Variants in LDB2 observed in about 807,000 individuals in gnomAD.
LDB2 encodes LIM domain-binding protein 2.
LDB2 carries 12 observed loss-of-function variants against 44.3 expected under a neutral mutation model. The observed-to-expected ratio is 0.27, with a 90% CI of 0.17 to 0.44. The LOEUF is 0.44. Ranked by LOEUF, LDB2 falls within the 20% of genes least tolerant of loss-of-function variation. LDB2 has a pLI of 1.00. For missense variants in LDB2, 344 were observed against 473.5 expected (o/e 0.73, Z 2.54); for synonymous variants, 164 against 174.8 (o/e 0.94, Z 0.49).
At chr4:16,676,030 T>C (rs1746229709) in intron 2 of LDB2, among the ~76,000 whole-genome samples, 1 of 152,232 alleles carries the variant, frequency 6.6e-6, no homozygotes, top group South Asian at 2.1e-4. Context: ...CAGTATTTTA[T>C]ACCCACATGA....
chr4:16,831,844 A>G (rs1294645166), intron 1 of LDB2, among the ~76,000 whole-genome samples: 2 of 152,144 alleles, frequency 1.3e-5, no homozygotes, highest in Non-Finnish European at 2.9e-5. Flanking sequence ...AGTGGGAGCT[A>G]TGATTAAAGT....
intron 1 of LDB2, among the ~76,000 whole-genome samples, chr4:16,782,119 T>A (rs1773377905): frequency 6.6e-6 from 1 of 152,206 alleles, no homozygotes; most frequent in Admixed American, 6.5e-5. Context: ...AATTCCATAC[T>A]ATTCCAAACC....
At chr4:16,530,202 G>C (rs1729664161) in intron 5 of LDB2, among the ~76,000 whole-genome samples, 1 of 152,198 alleles carries the variant, frequency 6.6e-6, no homozygotes. Flanking sequence ...GGGTTTAAGA[G>C]GGTCTGCCTG....
At chr4:16,881,311 T>G (rs1317485553) in intron 1 of LDB2, among the ~76,000 whole-genome samples, 1 of 152,206 alleles carries the variant, frequency 6.6e-6, no homozygotes, top group African/African-American at 2.4e-5. Context: ...TCGGCCTCAC[T>G]TATCTTATCT....
intron 2 of LDB2, among the ~76,000 whole-genome samples, chr4:16,635,768 C>T (rs1376131621): frequency 6.6e-6 from 1 of 152,176 alleles, no homozygotes; most frequent in Non-Finnish European, 1.5e-5. Flanking sequence ...GTAGCTACTC[C>T]ACCCTCCTAT....
At chr4:16,695,774 C>G (rs541227155) in intron 2 of LDB2, among the ~76,000 whole-genome samples, 20 of 152,140 alleles carry the variant, frequency 1.3e-4, no homozygotes, top group Admixed American at 2.6e-4. Context: ...TTTATAGACA[C>G]TGAAACTGGA....
intron 5 of LDB2, among the ~76,000 whole-genome samples, chr4:16,574,294 T>G (rs556424540): frequency 6.6e-6 from 1 of 152,192 alleles, no homozygotes; most frequent in Non-Finnish European, 1.5e-5. Context: ...AAATAGCCTA[T>G]AGATAGTATC....
intron 2 of LDB2, among the ~76,000 whole-genome samples, chr4:16,757,634 A>G (rs968707290): frequency 1.5e-4 from 23 of 152,198 alleles, no homozygotes; most frequent in African/African-American, 4.8e-4. Context: ...GCCTCAGAAA[A>G]AAATAAGGTG....
rs544612708 is a variant in LDB2 at position 16,766,453 on chromosome 4, T to C, written c.133-7193A>G. 1.9e-4 allele frequency among the ~76,000 whole-genome samples: 26 copies of C among 136,906 alleles called. 1 individual carries two copies. Among genetic ancestry groups the C allele is most frequent in the African/African-American group, 6.7e-4 (25 of 37,502 alleles). 89.8% of individuals were successfully genotyped at this position (136,906 alleles called of 152,430 possible). A position where few individuals can be genotyped will look rare whatever the true frequency, so the allele number is the denominator to read the frequency against. On this transcript the variant is annotated intron_variant, in intron 1 of 7. Coordinates refer to ENST00000304523, the MANE Select transcript of LDB2 (RefSeq NM_001290.5). Reference sequence around the variant, plus strand: ...AAATGTATGTATGTGTGTGTATATATATACACACACATATATGTGTGTGTG... The same window carrying C: ...AAATGTATGTATGTGTGTGTATATACATACACACACATATATGTGTGTGTG...
intron 5 of LDB2, among the ~76,000 whole-genome samples, chr4:16,526,757 A>G (rs1728398346): frequency 6.6e-6 from 1 of 152,212 alleles, no homozygotes; most frequent in Admixed American, 6.5e-5. Flanking sequence ...ACAAGGAAAC[A>G]GATTCTCCCT....
intron 3 of LDB2, among the ~76,000 whole-genome samples, chr4:16,593,262 A>C (rs1386576551): frequency 2.0e-5 from 3 of 152,212 alleles, no homozygotes; most frequent in Non-Finnish European, 4.4e-5. Context: ...TAATATGCTA[A>C]GTACTAATAG....
chr4:16,877,652 A>AG (rs1718830297), intron 1 of LDB2, among the ~76,000 whole-genome samples: 1 of 152,190 alleles, frequency 6.6e-6, no homozygotes, highest in East Asian at 1.9e-4. Context: ...ATACACATAC[A>AG]TATATCAGTA....
At chr4:16,797,375 C>A (rs1272613935) in intron 1 of LDB2, among the ~76,000 whole-genome samples, 1 of 152,094 alleles carries the variant, frequency 6.6e-6, no homozygotes, top group African/African-American at 2.4e-5. Context: ...ATCATACTAA[C>A]GTAAGATCTT....
chr4:16,747,344 T>C (rs1465942206), intron 2 of LDB2, among the ~76,000 whole-genome samples: 1 of 152,200 alleles, frequency 6.6e-6, no homozygotes, highest in Non-Finnish European at 1.5e-5. Flanking sequence ...TCCAGTACAG[T>C]GTCTAGAAGT....
rs181652297 is a variant in LDB2 at position 16,575,796 on chromosome 4, G to A, written c.615+10126C>T. Among the ~76,000 whole-genome samples the A allele has an allele frequency of 3.1e-3, 472 of 152,298 alleles. 1 individual carries two copies. The highest frequency in any genetic ancestry group is 0.011 in the African/African-American group (453 of 41,564). ...TCTGTTGCCTAGGCTGGAATGCAGC[G>A]GCACAATCTCAGCTCACTGCAACCT... On this transcript the variant is annotated intron_variant, in intron 5 of 7. Transcript: ENST00000304523.
intron 5 of LDB2, among the ~76,000 whole-genome samples, chr4:16,571,068 G>A (rs933689200): frequency 6.6e-6 from 1 of 152,148 alleles, no homozygotes; most frequent in Non-Finnish European, 1.5e-5. Context: ...AGAAGTTGGG[G>A]GCAGGGAGCA....
intron 5 of LDB2, among the ~76,000 whole-genome samples, chr4:16,516,321 G>C (rs1723719084): frequency 6.6e-6 from 1 of 152,146 alleles, no homozygotes; most frequent in African/African-American, 2.4e-5. Context: ...ATAATCTGTA[G>C]ATATTATTAA....
chr4:16,705,709 A>C (rs1292117759), intron 2 of LDB2, among the ~76,000 whole-genome samples: 1 of 152,036 alleles, frequency 6.6e-6, no homozygotes, highest in Non-Finnish European at 1.5e-5. Flanking sequence ...TACAAATTTC[A>C]TTGTCCTCTG....
intron 5 of LDB2, among the ~76,000 whole-genome samples, chr4:16,540,732 A>T (rs1480008906): frequency 2.0e-5 from 3 of 152,210 alleles, no homozygotes; most frequent in African/African-American, 4.8e-5. Flanking sequence ...AAAAATCTAT[A>T]AAAAATGACC....
Sources: gnomAD v4.1 joint callset for allele counts (sites outside exome capture counted in the v4.1 genomes callset) on GRCh38, gnomAD v4.1.1 for gene constraint, MANE v1.5 for transcripts, NCBI Gene and HGNC (gene_info 2026-07-23, HGNC 2026-07-21) for gene names.